The following TNRC6B variants were observed in gnomAD, a reference collection of about 807,000 sequenced individuals.
The protein encoded by TNRC6B is trinucleotide repeat containing adaptor 6B.
A neutral mutation model predicts 203.6 loss-of-function variants in TNRC6B; 52 were observed. The ratio of observed to expected loss-of-function variants is 0.26; its 90% confidence interval spans 0.20 to 0.32. The LOEUF is 0.32. TNRC6B is among the 10% of genes least tolerant of loss of function. The pLI, the probability that TNRC6B is intolerant of heterozygous loss-of-function variation, is 1.00. For missense variants in TNRC6B, 1,923 were observed against 2,286.2 expected, an observed-to-expected ratio of 0.84 and a Z score of 3.24; for synonymous variants, 838 against 845.7, an observed-to-expected ratio of 0.99 and a Z score of 0.16.
intron 1 of TNRC6B, among the ~76,000 whole-genome samples, chr22:40,186,737 C>CAAA (rs540875411): frequency 1.6e-5 from 2 of 121,994 alleles, no homozygotes; most frequent in Non-Finnish European, 1.7e-5. Flanking sequence ...GACTCCATCT[C>CAAA]AAAAAAAAAA....
At chr22:40,201,040 C>T (rs2069405645) in intron 1 of TNRC6B, among the ~76,000 whole-genome samples, 1 of 152,192 alleles carries the variant, frequency 6.6e-6, no homozygotes, top group African/African-American at 2.4e-5. Flanking sequence ...GAGCATCACA[C>T]GTGGTGATAC....
In TNRC6B at chr22:40,335,069, G is replaced by A. The variant is rs1383574172; in HGVS notation, c.*11828G>A. ...AAGTTGCTTTTACGATATTATTTTG[G>A]TGGCTTTCTTTTCTCTCTTTGATGG... On this transcript the variant is annotated 3_prime_UTR_variant, in exon 23 of 23. Transcript: ENST00000454349. 1 of 151,526 alleles carries A rather than the reference G, an allele frequency of 6.6e-6. No homozygotes were observed. The highest frequency in any genetic ancestry group is 1.5e-5 in the Non-Finnish European group (1 of 67,894). 9.4% of individuals were successfully genotyped at this position (151,526 alleles called of 1,614,324 possible). A position where few individuals can be genotyped will look rare whatever the true frequency, so the allele number is the denominator to read the frequency against.
rs902588597 is a variant in TNRC6B at position 40,325,526 on chromosome 22, G to A, written c.*2285G>A. On this transcript the variant is annotated 3_prime_UTR_variant, in exon 23 of 23. Transcript: ENST00000454349. ...CACTTGGCATCTGCAGCATTGACGT[G>A]GCCCCGCTGGGTGCCTTGAGCATGC... 1 of 152,360 alleles carries A rather than the reference G, an allele frequency of 6.6e-6. No individual in the cohort carries two copies. The highest frequency in any genetic ancestry group is 1.5e-5 in the Non-Finnish European group (1 of 68,038). 9.4% of individuals were successfully genotyped at this position (152,360 alleles called of 1,614,324 possible).
intron 4 of TNRC6B, among the ~76,000 whole-genome samples, chr22:40,169,894 T>C (rs1359038171): frequency 6.6e-6 from 1 of 152,172 alleles, no homozygotes; most frequent in African/African-American, 2.4e-5. Flanking sequence ...ATTTTTGCTG[T>C]CACATTTTAA....
chr22:40,229,033 A>G (rs962732102), intron 1 of TNRC6B, among the ~76,000 whole-genome samples: 22 of 152,202 alleles, frequency 1.4e-4, no homozygotes, highest in Non-Finnish European at 1.5e-4. Context: ...CTTTGAAGTC[A>G]AGCAAAACCG....
rs1301594994 is a variant in TNRC6B at position 40,266,423 on chromosome 22, G to T, written c.2193G>T (p.Gly731=). The change falls in exon 5 of 23, where the codon GGG becomes GGT. Residue 731 remains glycine, a synonymous_variant. Coordinates refer to ENST00000454349, the MANE Select transcript of TNRC6B (RefSeq NM_001162501.2). ...ATGAGAATCCCAGCAAGGATCAGGG[G>T]TGGGGAGGTGGACGCCAGCCCAATC... ...SWNENPSKDQ[G]WGGGRQPNQG... The T allele has an allele frequency of 1.9e-6, 3 of 1,613,952 alleles. No individual in the cohort carries two copies. Among genetic ancestry groups the T allele is most frequent in the Non-Finnish European group, 2.5e-6 (3 of 1,179,880 alleles).
chr22:40,318,824 CT>C lies in TNRC6B; in HGVS notation c.4975-2262del, dbSNP rs765849554. 5.3e-5 allele frequency among the ~76,000 whole-genome samples: 8 copies of C among 152,070 alleles called. 1 individual carries two copies. In the East Asian group the frequency reaches 1.4e-3, roughly 26 times the overall value. Reference sequence around the variant, plus strand: ...GTGGCTCATGCCTGTAATCCCAACACTTTTGGGAGGCTGAGGCAGGTGGATC... The same window carrying C: ...GTGGCTCATGCCTGTAATCCCAACACTTTGGGAGGCTGAGGCAGGTGGATC... On this transcript the variant is annotated intron_variant, in intron 21 of 22. Transcript: ENST00000454349.
At chr22:40,057,292 G>GT (rs398037161) in intron 1 of TNRC6B, among the ~76,000 whole-genome samples, 23,580 of 129,978 alleles carry the variant, frequency 0.18, 2,720 homozygotes, top group Admixed American at 0.31. Context: ...AATATGCCAG[G>GT]TTTTTTTTTT....
intron 1 of TNRC6B, chr22:40,106,697 A>G (rs1238294753): frequency 6.6e-6 from 5 of 758,816 alleles, no homozygotes; most frequent in Non-Finnish European, 9.7e-6. Flanking sequence ...GTTGAGCTTC[A>G]CAAACGTTCC....
chr22:40,249,536 G>A (rs1259322228), intron 2 of TNRC6B, among the ~76,000 whole-genome samples: 1 of 152,198 alleles, frequency 6.6e-6, no homozygotes, highest in African/African-American at 2.4e-5. Flanking sequence ...AGCGTTGGCA[G>A]AACACATGCT....
At chr22:40,313,154 G>A (rs759114025) in intron 19 of TNRC6B, among the ~76,000 whole-genome samples, 157 bp downstream of exon 19, 11 of 152,196 alleles carry the variant, frequency 7.2e-5, no homozygotes, top group Non-Finnish European at 1.5e-4. Context: ...TGTTTGCTAT[G>A]TCTTTGAGGA....
At chr22:40,278,387 A>G (rs1310204581) in intron 9 of TNRC6B, among the ~76,000 whole-genome samples, 1 of 151,908 alleles carries the variant, frequency 6.6e-6, no homozygotes, top group Non-Finnish European at 1.5e-5. Context: ...GTGAAACCCC[A>G]TCTCTACTAA....
rs745950841 is a variant in TNRC6B at position 40,261,899 on chromosome 22, G to T, written c.183G>T (p.Ser61=). The part of the protein sequence containing the change: ...TAASPIGSSP[S]PPVNGGNNAK... ...CCAGCCCAATTGGCAGCTCTCCATC[G>T]CCACCAGTCAATGGTGGCAACAATG... The change falls in exon 4 of 23, where the codon TCG becomes TCT. Residue 61 remains serine, a synonymous_variant. Transcript: ENST00000454349. 1 of 1,600,102 alleles carries T rather than the reference G, an allele frequency of 6.2e-7. No homozygotes were observed. Among genetic ancestry groups the T allele is most frequent in the Non-Finnish European group, 8.6e-7 (1 of 1,168,956 alleles).
chr22:40,051,370 C>A (rs1601784830), intron 1 of TNRC6B, among the ~76,000 whole-genome samples: 2 of 152,356 alleles, frequency 1.3e-5, no homozygotes, highest in Non-Finnish European at 2.9e-5. Flanking sequence ...GGGGTCAGCA[C>A]TTGCAGCTGT....
intron 1 of TNRC6B, among the ~76,000 whole-genome samples, chr22:40,074,273 T>A (rs2067985128): frequency 6.7e-6 from 1 of 150,262 alleles, no homozygotes; most frequent in Non-Finnish European, 1.5e-5. Flanking sequence ...TGGTAACTAG[T>A]TCAAGCTAAT....
At chr22:40,313,819 T>C (rs1321658400) in intron 19 of TNRC6B, among the ~76,000 whole-genome samples, 1 of 152,236 alleles carries the variant, frequency 6.6e-6, no homozygotes, top group Non-Finnish European at 1.5e-5. Context: ...GGCATCATGC[T>C]AAACCTTCCA....
intron 1 of TNRC6B, among the ~76,000 whole-genome samples, chr22:40,060,330 C>T (rs1047060265): frequency 1.3e-5 from 2 of 152,000 alleles, no homozygotes; most frequent in East Asian, 3.9e-4. Flanking sequence ...AGGTGTGTGC[C>T]ACCACACCCG....
chr22:40,114,445 T>TTA (rs2068369399), intron 1 of TNRC6B, among the ~76,000 whole-genome samples: 1 of 152,126 alleles, frequency 6.6e-6, no homozygotes, highest in African/African-American at 2.4e-5. Flanking sequence ...CTTAGCCTCT[T>TTA]TAGTAGCTGA....
intron 1 of TNRC6B, among the ~76,000 whole-genome samples, chr22:40,193,841 C>G (rs998189896): frequency 1.3e-5 from 2 of 151,122 alleles, no homozygotes; most frequent in Non-Finnish European, 3.0e-5. Flanking sequence ...ACATGTGGAA[C>G]AGCGCCACCC....
Sources: gnomAD v4.1 joint callset for allele counts (sites outside exome capture counted in the v4.1 genomes callset) on GRCh38, gnomAD v4.1.1 for gene constraint, MANE v1.5 for transcripts, NCBI Gene and HGNC (gene_info 2026-07-23, HGNC 2026-07-21) for gene names.